The following PDE3A variants were observed in gnomAD, a reference collection of about 807,000 sequenced individuals.
PDE3A encodes cGMP-inhibited 3',5'-cyclic phosphodiesterase 3A.
A neutral mutation model predicts 98.3 loss-of-function variants in PDE3A; 43 were observed. The observed-to-expected ratio is 0.44, with a 90% CI of 0.34 to 0.56. PDE3A has a LOEUF of 0.56. PDE3A is among the 20% of genes least tolerant of loss of function. The pLI is 0.01. For missense variants in PDE3A, 1,427 were observed against 1,440.7 expected, an observed-to-expected ratio of 0.99 and a Z score of 0.15; for synonymous variants, 663 against 567.9, an observed-to-expected ratio of 1.17 and a Z score of -2.38.
chr12:20,468,680 T>G (rs77589506), intron 1 of PDE3A, among the ~76,000 whole-genome samples: 7,302 of 152,212 alleles, frequency 0.048, 210 homozygotes, highest in Middle Eastern at 0.065. Flanking sequence ...TTCACTGTGG[T>G]TATTGTGACT....
At chr12:20,519,866 G>A (rs983350236) in intron 1 of PDE3A, among the ~76,000 whole-genome samples, 1 of 152,138 alleles carries the variant, frequency 6.6e-6, no homozygotes, top group Non-Finnish European at 1.5e-5. Flanking sequence ...CTAGCAGAGG[G>A]GTGGTGAGGA....
At chr12:20,386,262 T>A (rs1212697103) in intron 1 of PDE3A, among the ~76,000 whole-genome samples, 1 of 130,430 alleles carries the variant, frequency 7.7e-6, no homozygotes, top group Non-Finnish European at 1.6e-5. Flanking sequence ...ATTATATTAA[T>A]ATATTATATT....
At chr12:20,668,480 C>T (rs1169609737) in intron 15 of PDE3A, among the ~76,000 whole-genome samples, 1 of 152,138 alleles carries the variant, frequency 6.6e-6, no homozygotes, top group African/African-American at 2.4e-5. Context: ...CAGTGGTTCT[C>T]CCAGCATGCA....
In PDE3A at chr12:20,552,872, T is replaced by C; in HGVS notation, c.961-3788T>C. 1.9e-6 allele frequency: 3 copies of C among 1,613,610 alleles called. No homozygotes were observed. The South Asian group carries it at 3.3e-5, about 18-fold the overall frequency. On this transcript the variant is annotated intron_variant, in intron 1 of 15. Transcript: ENST00000359062. The surrounding 1 kb of genome is among the most constrained non-coding windows in gnomAD (Gnocchi z 5.1). ...CAGCACAACGTGTGCAAGGACTGCCTGGACAGATCCTTTCGGGCACAGGTG... is the reference window on the plus strand; with the variant it reads ...CAGCACAACGTGTGCAAGGACTGCCCGGACAGATCCTTTCGGGCACAGGTG...
chr12:20,476,390 G>T (rs1945532409), intron 1 of PDE3A, among the ~76,000 whole-genome samples: 1 of 152,170 alleles, frequency 6.6e-6, no homozygotes, highest in Non-Finnish European at 1.5e-5. Context: ...ATATTTGATG[G>T]ATGTTATGAT....
intron 1 of PDE3A, among the ~76,000 whole-genome samples, chr12:20,502,097 G>A (rs775840736): frequency 1.3e-5 from 2 of 152,090 alleles, no homozygotes; most frequent in Non-Finnish European, 2.9e-5. Context: ...AGGCTATAGA[G>A]GAGGCTAATA....
At chr12:20,667,811 T>C (rs901255930) in intron 15 of PDE3A, among the ~76,000 whole-genome samples, 1 of 152,282 alleles carries the variant, frequency 6.6e-6, no homozygotes, top group Middle Eastern at 3.4e-3. Flanking sequence ...GAATAATGTA[T>C]TGGTATTTTA....
intron 2 of PDE3A, among the ~76,000 whole-genome samples, chr12:20,586,133 A>G (rs1943190893): frequency 6.6e-6 from 1 of 152,196 alleles, no homozygotes; most frequent in African/African-American, 2.4e-5. Flanking sequence ...TTCTGTGTAA[A>G]GGGAACATGT....
chr12:20,634,766 A>T (rs564293064), intron 7 of PDE3A, 136 bp from the exon 8 acceptor site: 1 of 658,058 alleles, frequency 1.5e-6, no homozygotes, highest in Non-Finnish European at 2.7e-6. Flanking sequence ...CTATGATCCT[A>T]TGTTCTTGGA....
At chr12:20,631,578 A>G (rs971631091) in intron 6 of PDE3A, among the ~76,000 whole-genome samples, 1 of 152,164 alleles carries the variant, frequency 6.6e-6, no homozygotes, top group Non-Finnish European at 1.5e-5. Flanking sequence ...ATCTGGGTTC[A>G]GCATTTTTAG....
intron 2 of PDE3A, among the ~76,000 whole-genome samples, chr12:20,590,268 A>G (rs1943305297): frequency 1.3e-5 from 2 of 151,606 alleles, no homozygotes; most frequent in Middle Eastern, 3.4e-3. Context: ...GGGGAGATTT[A>G]GGAGATGATG....
At chr12:20,559,238 T>C (rs568174636) in intron 2 of PDE3A, among the ~76,000 whole-genome samples, 1 of 152,218 alleles carries the variant, frequency 6.6e-6, no homozygotes, top group East Asian at 1.9e-4. Flanking sequence ...GCTGCACAGA[T>C]TTGTAGCCTA....
intron 2 of PDE3A, among the ~76,000 whole-genome samples, chr12:20,566,610 G>C (rs890173439): frequency 2.0e-5 from 3 of 151,770 alleles, no homozygotes; most frequent in African/African-American, 7.3e-5. Context: ...ACTACATCAT[G>C]ATCAGTCAGG....
chr12:20,588,815 A>G (rs4379889), intron 2 of PDE3A, among the ~76,000 whole-genome samples: 110,400 of 152,052 alleles, frequency 0.73, 40,379 homozygotes, highest in Middle Eastern at 0.83. Context: ...GGCCAGGCTG[A>G]CCTGTCCTGT....
chr12:20,646,493 A>G lies in PDE3A; in HGVS notation c.2255A>G (p.His752Arg), dbSNP rs780450777. The G allele has an allele frequency of 6.4e-7, 1 of 1,563,358 alleles. No individual in the cohort carries two copies. The highest frequency in any genetic ancestry group is 8.8e-7 in the Non-Finnish European group (1 of 1,133,698). Reference protein sequence around the residue: ...LEIGYRDIPYHNRIHATDVLH... With the variant: ...LEIGYRDIPYRNRIHATDVLH... ...TGTTCCTGTTCACTGGTTACAGATC[A>G]TAACAGAATCCATGCCACTGATGTT... Residue 752 changes from histidine to arginine, a missense_variant, in exon 11 of 16, where the codon CAT becomes CGT. This residue lies in a region of PDE3A where 273 missense variants were observed against 420.3 expected (regional missense o/e 0.65). Transcript: ENST00000359062.
At chr12:20,583,684 GTGCATAGAC>G (rs1356077972) in intron 2 of PDE3A, among the ~76,000 whole-genome samples, 1 of 152,088 alleles carries the variant, frequency 6.6e-6, no homozygotes, top group Non-Finnish European at 1.5e-5. Flanking sequence ...TCTATATAAA[GTGCATAGAC>G]TGGGCCCTGG....
At chr12:20,478,620 G>A (rs1424991873) in intron 1 of PDE3A, among the ~76,000 whole-genome samples, 1 of 152,158 alleles carries the variant, frequency 6.6e-6, no homozygotes, top group Non-Finnish European at 1.5e-5. Context: ...ACGTAATGGT[G>A]TAAATGTTTA....
At chr12:20,567,150 CCT>C (rs1942681843) in intron 2 of PDE3A, among the ~76,000 whole-genome samples, 1 of 151,598 alleles carries the variant, frequency 6.6e-6, no homozygotes, top group Non-Finnish European at 1.5e-5. Flanking sequence ...ATTATGGCAA[CCT>C]TGTGTATAGT....
At position 20,680,085 on chromosome 12, in the gene PDE3A, A is replaced by G. The variant is rs1218661950; in HGVS notation, c.3240A>G (p.Leu1080=). 1 of 1,609,752 alleles carries G rather than the reference A, an allele frequency of 6.2e-7. No individual in the cohort carries two copies. Among genetic ancestry groups the G allele is most frequent in the South Asian group, 1.1e-5 (1 of 90,986 alleles). ...KIYCQITQHL[L]QNHKMWKKVI... is the part of the protein sequence containing the mutation. ...ACTGCCAAATAACTCAGCACCTCTT[A>G]CAGAACCACAAGATGTGGAAGAAAG... Residue 1080 remains leucine, a synonymous_variant, in exon 16 of 16, where the codon TTA becomes TTG. Transcript: ENST00000359062.
Sources: gnomAD v4.1 joint callset for allele counts (sites outside exome capture counted in the v4.1 genomes callset) on GRCh38, gnomAD v4.1.1 for gene constraint, gnomAD v4.1.1 regional missense constraint, Gnocchi (gnomAD v3.1) non-coding constraint, MANE v1.5 for transcripts, NCBI Gene and HGNC (gene_info 2026-07-23, HGNC 2026-07-21) for gene names.